The following SGMS1 variants were observed in gnomAD, a reference collection of about 807,000 sequenced individuals.
SGMS1 encodes the protein sphingomyelin synthase 1, also known as phosphatidylcholine:ceramide cholinephosphotransferase 1.
SGMS1 carries 13 observed loss-of-function variants against 46.2 expected under a neutral mutation model. That is an observed-to-expected ratio of 0.28 (90% confidence interval 0.18 to 0.45). SGMS1 has a LOEUF of 0.45. Among genes scored for constraint, SGMS1 ranks in the 20% least tolerant of loss-of-function variants. The pLI is 1.00. For missense variants in SGMS1, 324 were observed against 519.9 expected (o/e 0.62, Z 3.66); for synonymous variants, 203 against 187.8 (o/e 1.08, Z -0.66).
intron 5 of SGMS1, among the ~76,000 whole-genome samples, chr10:50,455,513 T>C (rs1308986946): frequency 1.3e-5 from 2 of 152,218 alleles, no homozygotes; most frequent in South Asian, 2.1e-4. Flanking sequence ...AATTGTAAAT[T>C]AGCCATTGCA....
intron 3 of SGMS1, among the ~76,000 whole-genome samples, chr10:50,469,411 A>T (rs1837359331): frequency 6.6e-6 from 1 of 152,156 alleles, no homozygotes. Flanking sequence ...CTTTTATGGG[A>T]TCTAGCACAT....
intron 8 of SGMS1, among the ~76,000 whole-genome samples, chr10:50,324,803 A>C (rs1483758141): frequency 6.6e-6 from 1 of 152,228 alleles, no homozygotes; most frequent in Non-Finnish European, 1.5e-5. Context: ...AAATGGATAA[A>C]TCCAGAAAGT....
At chr10:50,396,188 T>G (rs991152815) in intron 6 of SGMS1, among the ~76,000 whole-genome samples, 1 of 152,048 alleles carries the variant, frequency 6.6e-6, no homozygotes, top group Non-Finnish European at 1.5e-5. Context: ...AGTCTTTGCT[T>G]CTCTGAGCCC....
intron 6 of SGMS1, among the ~76,000 whole-genome samples, chr10:50,379,916 C>T (rs372288806): frequency 6.6e-6 from 1 of 152,138 alleles, no homozygotes; most frequent in African/African-American, 2.4e-5. Flanking sequence ...AGCTCTTTTG[C>T]CCATCTCAAG....
At chr10:50,616,073 T>G (rs1265817639) in intron 1 of SGMS1, among the ~76,000 whole-genome samples, 2 of 152,222 alleles carry the variant, frequency 1.3e-5, no homozygotes, top group Non-Finnish European at 2.9e-5. Flanking sequence ...TCTTCTTTAT[T>G]ATCAACCCTT....
chr10:50,470,821 A>G (rs1159354836), intron 3 of SGMS1, among the ~76,000 whole-genome samples: 1 of 152,144 alleles, frequency 6.6e-6, no homozygotes, highest in African/African-American at 2.4e-5. Context: ...AAAAATAAAA[A>G]AGACCATCCA....
intron 5 of SGMS1, among the ~76,000 whole-genome samples, chr10:50,457,371 C>T (rs942778205): frequency 6.6e-6 from 1 of 152,070 alleles, no homozygotes; most frequent in African/African-American, 2.4e-5. Context: ...ACCAAATTTT[C>T]TTTTTTTCCT....
At chr10:50,524,470 G>T (rs1204334509) in intron 2 of SGMS1, among the ~76,000 whole-genome samples, 1 of 152,088 alleles carries the variant, frequency 6.6e-6, no homozygotes, top group South Asian at 2.1e-4. Context: ...TTCTTCTCTT[G>T]ACTGTGAAAA....
chr10:50,313,755 A>G lies in SGMS1; in HGVS notation c.742-2340T>C, dbSNP rs560663274. On this transcript the variant is annotated intron_variant, in intron 8 of 10. Transcript: ENST00000361781. ...AGCATCACCCATACTTTGTCCTCTC[A>G]TTTGAGCAAGAAAATCTTTGTGGTG... 2.6e-5 allele frequency among the ~76,000 whole-genome samples: 4 copies of G among 152,326 alleles called. No homozygotes were observed. The South Asian group carries it at 8.3e-4, about 32-fold the overall frequency.
At chr10:50,422,299 T>C (rs1215499710) in intron 6 of SGMS1, among the ~76,000 whole-genome samples, 1 of 152,152 alleles carries the variant, frequency 6.6e-6, no homozygotes, top group African/African-American at 2.4e-5. Flanking sequence ...TTAAGTTATA[T>C]AACAGCCACA....
At chr10:50,442,835 GTTTC>G (rs752306213) in intron 5 of SGMS1, among the ~76,000 whole-genome samples, 12 of 152,190 alleles carry the variant, frequency 7.9e-5, no homozygotes, top group Non-Finnish European at 1.6e-4. Flanking sequence ...TCTGCTGATA[GTTTC>G]TTTAACTGTG....
intron 2 of SGMS1, among the ~76,000 whole-genome samples, chr10:50,578,300 T>C (rs536662597): frequency 5.9e-5 from 9 of 152,340 alleles, no homozygotes; most frequent in Admixed American, 5.2e-4. Flanking sequence ...GGGAATGCCC[T>C]TTGTGGGTGG....
chr10:50,565,741 G>T (rs1298513997), intron 2 of SGMS1, among the ~76,000 whole-genome samples: 2 of 152,170 alleles, frequency 1.3e-5, no homozygotes, highest in African/African-American at 4.8e-5. Context: ...GGTCTGAGTT[G>T]CCTACGTTGG....
intron 6 of SGMS1, among the ~76,000 whole-genome samples, chr10:50,387,305 C>G (rs1848696937): frequency 6.6e-6 from 1 of 152,190 alleles, no homozygotes; most frequent in Admixed American, 6.5e-5. Flanking sequence ...CCTGCTCACT[C>G]CCTATCCCAG....
intron 8 of SGMS1, among the ~76,000 whole-genome samples, chr10:50,325,761 G>A (rs1847520518): frequency 6.6e-6 from 1 of 152,198 alleles, no homozygotes; most frequent in South Asian, 2.1e-4. Flanking sequence ...TGCTTGGCCA[G>A]AACCTACATC....
At chr10:50,535,092 C>A (rs965209922) in intron 2 of SGMS1, among the ~76,000 whole-genome samples, 9 of 151,914 alleles carry the variant, frequency 5.9e-5, no homozygotes, top group Non-Finnish European at 1.0e-4. Flanking sequence ...ATTAGCCCGG[C>A]ATGGTGGCAG....
intron 2 of SGMS1, among the ~76,000 whole-genome samples, chr10:50,568,257 A>C (rs1838307269): frequency 6.6e-6 from 1 of 152,206 alleles, no homozygotes; most frequent in Non-Finnish European, 1.5e-5. Flanking sequence ...CCCACTTTTT[A>C]TTCTTACATA....
chr10:50,546,623 C>CA (rs1269999233), intron 2 of SGMS1, among the ~76,000 whole-genome samples: 4 of 151,922 alleles, frequency 2.6e-5, no homozygotes, highest in Non-Finnish European at 4.4e-5. Flanking sequence ...ATCACAAGGA[C>CA]AAAAAACCAA....
chr10:50,482,246 A>G (rs1837483405), intron 3 of SGMS1, among the ~76,000 whole-genome samples: 1 of 152,206 alleles, frequency 6.6e-6, no homozygotes, highest in African/African-American at 2.4e-5. Context: ...AAAGTGAAGG[A>G]AAAAATGTTA....
Sources: gnomAD v4.1 joint callset for allele counts (sites outside exome capture counted in the v4.1 genomes callset) on GRCh38, gnomAD v4.1.1 for gene constraint, MANE v1.5 for transcripts, NCBI Gene and HGNC (gene_info 2026-07-23, HGNC 2026-07-21) for gene names.